The following CSMD1 variants were observed in gnomAD, a reference collection of about 807,000 sequenced individuals.
CSMD1 encodes CUB and Sushi multiple domains 1.
Under a neutral mutation model 417.5 loss-of-function variants are expected in CSMD1, and 213 were observed. The observed-to-expected ratio is 0.51, with a 90% CI of 0.46 to 0.57. CSMD1 has a LOEUF of 0.57. CSMD1 is among the 20% of genes least tolerant of loss of function. The pLI is 0.00. For missense variants in CSMD1, 6,923 were observed against 4,529.7 expected (o/e 1.53, Z -15.17); for synonymous variants, 2,862 against 1,736.8 (o/e 1.65, Z -16.11).
rs909426371 is a variant in CSMD1, at chr8:4,023,896, C to T, written c.610+8009G>A. ...CCTCCCAAAGTGCTGGGATTACAGG[C>T]GTGAGCCACAGCACCCGACCACTGC... is the stretch of plus-strand genomic sequence containing the variant. On this transcript the variant is annotated intron_variant, in intron 4 of 69. Transcript: ENST00000635120. Among the ~76,000 whole-genome samples the T allele has an allele frequency of 1.2e-4, 18 of 150,028 alleles. 1 individual carries two copies. The highest frequency in any genetic ancestry group is 2.7e-4 in the African/African-American group (11 of 40,760).
intron 1 of CSMD1, among the ~76,000 whole-genome samples, chr8:4,851,784 T>C (rs1801496449): frequency 6.6e-6 from 1 of 152,174 alleles, no homozygotes; most frequent in Non-Finnish European, 1.5e-5. Context: ...TACTTTTAAG[T>C]CACCCTCCCC....
intron 1 of CSMD1, among the ~76,000 whole-genome samples, chr8:4,822,474 T>C (rs1420448074): frequency 1.3e-5 from 2 of 152,110 alleles, no homozygotes; most frequent in Admixed American, 6.6e-5. Flanking sequence ...TTTACGTGGA[T>C]TGTAACCCGA....
intron 3 of CSMD1, among the ~76,000 whole-genome samples, chr8:4,278,391 G>T (rs1483419836): frequency 6.6e-6 from 1 of 152,142 alleles, no homozygotes; most frequent in Non-Finnish European, 1.5e-5. Context: ...CAGCTATACA[G>T]AATATGAATA....
At chr8:4,199,787 T>G (rs972112186) in intron 3 of CSMD1, among the ~76,000 whole-genome samples, 1 of 152,266 alleles carries the variant, frequency 6.6e-6, no homozygotes, top group Middle Eastern at 3.4e-3. Context: ...ACATGCTGTT[T>G]AGATAGAAAA....
At chr8:4,463,642 C>G (rs1286775243) in intron 2 of CSMD1, among the ~76,000 whole-genome samples, 1 of 152,160 alleles carries the variant, frequency 6.6e-6, no homozygotes, top group African/African-American at 2.4e-5. Context: ...ATGGAAAGAG[C>G]TAGTCACAAA....
At chr8:3,502,744 T>C (rs894937253) in intron 10 of CSMD1, among the ~76,000 whole-genome samples, 2 of 152,166 alleles carry the variant, frequency 1.3e-5, no homozygotes, top group Non-Finnish European at 2.9e-5. Context: ...AGAGGATTTT[T>C]AGGACAGTGA....
chr8:4,822,775 T>C (rs973051564), intron 1 of CSMD1, among the ~76,000 whole-genome samples: 84 of 152,254 alleles, frequency 5.5e-4, no homozygotes, highest in African/African-American at 1.9e-3. Context: ...CCTCTGGGTA[T>C]GGCAATCAAA....
chr8:4,078,242 G>T (rs192928949), intron 3 of CSMD1, among the ~76,000 whole-genome samples: 64 of 149,984 alleles, frequency 4.3e-4, no homozygotes, highest in Non-Finnish European at 8.0e-4. Flanking sequence ...ACATATAAAC[G>T]TATTACGTAA....
chr8:3,228,005 T>A (rs932241182), intron 27 of CSMD1, among the ~76,000 whole-genome samples: 1 of 152,180 alleles, frequency 6.6e-6, no homozygotes, highest in African/African-American at 2.4e-5. Flanking sequence ...TGATGTCAAG[T>A]GATCTGCCCG....
chr8:4,927,337 T>A (rs1585345243), intron 1 of CSMD1, among the ~76,000 whole-genome samples: 1 of 151,970 alleles, frequency 6.6e-6, no homozygotes, highest in Non-Finnish European at 1.5e-5. Flanking sequence ...GGATTACAGG[T>A]ATGAGCCACC....
At chr8:3,803,454 T>C (rs1022398550) in intron 5 of CSMD1, among the ~76,000 whole-genome samples, 1 of 152,152 alleles carries the variant, frequency 6.6e-6, no homozygotes, top group Non-Finnish European at 1.5e-5. Flanking sequence ...GGAGAAAATA[T>C]TAAACCCCAA....
intron 5 of CSMD1, among the ~76,000 whole-genome samples, chr8:3,882,795 G>C (rs930814687): frequency 2.6e-5 from 4 of 152,164 alleles, no homozygotes; most frequent in Non-Finnish European, 4.4e-5. Flanking sequence ...AAAATCTACA[G>C]TGTCATTTAC....
At position 4,136,442 on chromosome 8, in the gene CSMD1, C is replaced by T. The variant is rs187542992; in HGVS notation, c.416-104343G>A. Among the ~76,000 whole-genome samples the T allele has an allele frequency of 1.3e-3, 205 of 152,258 alleles. 1 individual carries two copies. The highest frequency in any genetic ancestry group is 2.3e-3 in the Non-Finnish European group (156 of 68,024). On this transcript the variant is annotated intron_variant, in intron 3 of 69. Coordinates refer to ENST00000635120, the MANE Select transcript of CSMD1 (RefSeq NM_033225.6). ...TAAAACTGGTTCTCAGCAAGCATCCCTTTTGAAAAATGCCTCTGTGTGTTA... is the reference window on the plus strand; with the variant it reads ...TAAAACTGGTTCTCAGCAAGCATCCTTTTTGAAAAATGCCTCTGTGTGTTA...
intron 3 of CSMD1, among the ~76,000 whole-genome samples, chr8:4,397,481 A>T (rs938067368): frequency 8.0e-5 from 12 of 150,746 alleles, no homozygotes; most frequent in African/African-American, 2.9e-4. Flanking sequence ...GTTTTCATGA[A>T]ACTTCTGTGT....
chr8:4,044,087 T>A (rs758475090), intron 3 of CSMD1, among the ~76,000 whole-genome samples: 1 of 152,128 alleles, frequency 6.6e-6, no homozygotes, highest in Non-Finnish European at 1.5e-5. Context: ...CCATTGCTTG[T>A]CTCTGTGATA....
At chr8:3,592,277 G>A (rs1308666653) in intron 8 of CSMD1, among the ~76,000 whole-genome samples, 1 of 151,956 alleles carries the variant, frequency 6.6e-6, no homozygotes, top group East Asian at 1.9e-4. Context: ...ATCTTTCTGT[G>A]TTAAAAAGTC....
At chr8:4,966,694 T>C (rs1195820248) in intron 1 of CSMD1, among the ~76,000 whole-genome samples, 7 of 152,200 alleles carry the variant, frequency 4.6e-5, no homozygotes, top group Non-Finnish European at 1.5e-5. Context: ...ACTCAAATTA[T>C]CCTTCTAATA....
At chr8:4,700,623 G>T (rs930338054) in intron 1 of CSMD1, among the ~76,000 whole-genome samples, 1 of 152,004 alleles carries the variant, frequency 6.6e-6, no homozygotes, top group Non-Finnish European at 1.5e-5. Context: ...AGAAACAACT[G>T]ACTCAATCTA....
chr8:4,266,791 A>G lies in CSMD1; in HGVS notation c.415+153162T>C, dbSNP rs552947678. Among the ~76,000 whole-genome samples, 14 of 105,166 alleles carry G rather than the reference A, an allele frequency of 1.3e-4. 3 individuals are homozygous for G. Among genetic ancestry groups the G allele is most frequent in the African/African-American group, 3.1e-4 (12 of 38,652 alleles). 69.0% of individuals were successfully genotyped at this position (105,166 alleles called of 152,430 possible). A position where few individuals can be genotyped will look rare whatever the true frequency, so the allele number is the denominator to read the frequency against. Reference sequence around the variant, plus strand: ...CAAAATAGTAGCACAGAGAATCTAGATGAAAACTTAAATAGTGGATTGTGA... The same window carrying G: ...CAAAATAGTAGCACAGAGAATCTAGGTGAAAACTTAAATAGTGGATTGTGA... On this transcript the variant is annotated intron_variant, in intron 3 of 69. Transcript: ENST00000635120.
Sources: allele counts gnomAD v4.1 joint callset (sites outside exome capture counted in the v4.1 genomes callset), GRCh38; gene constraint gnomAD v4.1.1; transcripts MANE v1.5; gene names NCBI Gene and HGNC (gene_info 2026-07-23, HGNC 2026-07-21).